Variants in COL4A6 observed in about 807,000 individuals in gnomAD.
COL4A6 encodes the protein collagen alpha-6(IV) chain.
A neutral mutation model predicts 126.7 loss-of-function variants in COL4A6; 59 were observed. The ratio of observed to expected loss-of-function variants is 0.47; its 90% CI spans 0.38 to 0.58. The LOEUF is 0.58. COL4A6 is among the 20% of genes least tolerant of loss of function. The pLI, the probability that COL4A6 is intolerant of heterozygous loss-of-function variation, is 0.00. For missense variants in COL4A6, 1,285 were observed against 1,337.3 expected (o/e 0.96, Z 0.61); for synonymous variants, 547 against 496.6 (o/e 1.10, Z -1.35).
Position 108,319,428 on chromosome X carries a change from C to T in COL4A6, c.64-8600G>A, listed in dbSNP as rs181886917. ...AGGTAGATAAAGGGAAGAGAATACA[C>T]CCTAGAATTAAGCACTGAAGCATGT... On this transcript the variant is annotated intron_variant, in intron 2 of 44. Transcript: ENST00000334504. Among the ~76,000 whole-genome samples the T allele has an allele frequency of 6.3e-5, 7 of 111,653 alleles. No individual in the cohort carries two copies. The South Asian group carries it at 1.1e-3, about 18-fold the overall frequency.
intron 3 of COL4A6, among the ~76,000 whole-genome samples, chrX:108,293,779 T>C (rs2038240538): frequency 8.9e-6 from 1 of 112,000 alleles, no homozygotes; most frequent in Non-Finnish European, 1.9e-5. Context: ...GTGACTGCCA[T>C]GAGGAAAGCA....
chrX:108,392,773 C>T (rs182449319), intron 2 of COL4A6, among the ~76,000 whole-genome samples: 4 of 111,854 alleles, frequency 3.6e-5, no homozygotes, highest in African/African-American at 1.3e-4. Context: ...TTGTTCATTG[C>T]TTCCACCACA....
chrX:108,353,917 C>T (rs2039897741), intron 2 of COL4A6, among the ~76,000 whole-genome samples: 1 of 112,204 alleles, frequency 8.9e-6, no homozygotes, highest in Non-Finnish European at 1.9e-5. Flanking sequence ...CTTTGGGAGG[C>T]TGAGGCAGGT....
intron 2 of COL4A6, among the ~76,000 whole-genome samples, chrX:108,433,533 T>A (rs2064209363): frequency 9.6e-6 from 1 of 103,820 alleles, no homozygotes; most frequent in South Asian, 4.2e-4. Flanking sequence ...TCTTTTTCTC[T>A]TTTTTTTTTT....
At chrX:108,391,822 G>A (rs761269432) in intron 2 of COL4A6, among the ~76,000 whole-genome samples, 4 of 112,274 alleles carry the variant, frequency 3.6e-5, no homozygotes, top group East Asian at 2.8e-4. Context: ...GCTTTGGCTC[G>A]CCCTTCATGG....
At chrX:108,254,487 C>A (rs1207093354) in intron 3 of COL4A6, among the ~76,000 whole-genome samples, 2 of 111,162 alleles carry the variant, frequency 1.8e-5, no homozygotes, top group Non-Finnish European at 3.8e-5. Context: ...TCAGGGAATT[C>A]TTGTAGTTCA....
Position 108,303,613 on chromosome X carries a change from A to T in COL4A6, c.144+7135T>A, listed in dbSNP as rs571963474. Reference sequence around the variant, plus strand: ...CAATGCAAGGACAGGGCAATGCTTCATTTAAAGAGCGAGTTTCTAAAGCTA... The same window carrying T: ...CAATGCAAGGACAGGGCAATGCTTCTTTTAAAGAGCGAGTTTCTAAAGCTA... On this transcript the variant is annotated intron_variant, in intron 3 of 44. Transcript: ENST00000334504. 1.7e-4 allele frequency among the ~76,000 whole-genome samples: 19 copies of T among 112,027 alleles called. No individual in the cohort carries two copies. The South Asian group carries it at 7.1e-3, about 42-fold the overall frequency.
chrX:108,157,258 G>A lies in COL4A6; in HGVS notation c.4815C>T (p.His1605=), dbSNP rs1346364798. 10 of 1,208,884 alleles carry A rather than the reference G, an allele frequency of 8.3e-6. No homozygotes were observed. The highest frequency in any genetic ancestry group is 1.1e-5 in the Non-Finnish European group (10 of 893,768). Residue 1605 remains histidine, a splice_region_variant and synonymous_variant, in exon 45 of 45, where the codon CAC becomes CAT. Coordinates refer to ENST00000334504, the MANE Select transcript of COL4A6 (RefSeq NM_033641.4). Reference sequence around the variant, plus strand: ...CTCCACCCTCGGCACCAGCGGCAGTGTGCTGAAACAGACAGGAGATTAGTG... The same window carrying A: ...CTCCACCCTCGGCACCAGCGGCAGTATGCTGAAACAGACAGGAGATTAGTG... ...SLWIGYSFLM[H]TAAGAEGGGQ...
In COL4A6 at chrX:108,179,444, C is replaced by T. The variant is rs201589060; in HGVS notation, c.2132-6G>A. 1,070 of 1,177,527 alleles carry T rather than the reference C, an allele frequency of 9.1e-4. 2 individuals are homozygous for T. Among genetic ancestry groups the T allele is most frequent in the Non-Finnish European group, 8.5e-4 (741 of 873,164 alleles). ...CCCACGAGGTCCAGGAAATCCTAAA[C>T]GTAAAAAGGCGAACATAAAAGACCA... On this transcript the variant is annotated splice_region_variant and splice_polypyrimidine_tract_variant and intron_variant, in intron 25 of 44. Coordinates refer to ENST00000334504, the MANE Select transcript of COL4A6 (RefSeq NM_033641.4).
chrX:108,160,401 G>A, intron 43 of COL4A6, 62 bp downstream of exon 43: 2 of 1,060,878 alleles, frequency 1.9e-6, no homozygotes, highest in Non-Finnish European at 2.6e-6. Flanking sequence ...AGAAGAGAGG[G>A]GTTGGCTGTT....
chrX:108,250,733 T>C (rs1472947472), intron 3 of COL4A6, among the ~76,000 whole-genome samples: 1 of 111,639 alleles, frequency 9.0e-6, no homozygotes, highest in Admixed American at 9.5e-5. Context: ...AAATGAATTA[T>C]ACACTTGGCC....
In COL4A6 at chrX:108,177,902, G is replaced by A. The variant is rs1173229320; in HGVS notation, c.2515+782C>T. Among the ~76,000 whole-genome samples the A allele has an allele frequency of 2.7e-5, 3 of 111,412 alleles. No individual in the cohort carries two copies. In the Admixed American group the frequency reaches 2.8e-4, roughly 11 times the overall value. The stretch of plus-strand genomic sequence containing the variant: ...CACAGCAGGAGCTCAGGGATCCCTG[G>A]CCTTGTAAGCAAGGCCATGTTATAG... On this transcript the variant is annotated intron_variant, in intron 27 of 44. Transcript: ENST00000334504.
At chrX:108,332,727 C>T (rs2039332553) in intron 2 of COL4A6, among the ~76,000 whole-genome samples, 1 of 109,560 alleles carries the variant, frequency 9.1e-6, no homozygotes, top group South Asian at 3.8e-4. Flanking sequence ...AGTTTAGTTC[C>T]TTGTAGATTC....
intron 25 of COL4A6, among the ~76,000 whole-genome samples, 156 bp from the exon 26 acceptor site, chrX:108,179,594 C>G (rs909914507): frequency 9.0e-6 from 1 of 110,821 alleles, no homozygotes; most frequent in African/African-American, 3.3e-5. Context: ...TCCTGCAAGG[C>G]CTTGTGCAGA....
At chrX:108,184,828 C>T (rs751997200) in intron 23 of COL4A6, among the ~76,000 whole-genome samples, 2 of 112,427 alleles carry the variant, frequency 1.8e-5, no homozygotes, top group South Asian at 7.4e-4. Context: ...AAAAATGGTC[C>T]TGCAAGCTTC....
At chrX:108,231,697 A>T (rs1400130658) in intron 3 of COL4A6, among the ~76,000 whole-genome samples, 1 of 112,112 alleles carries the variant, frequency 8.9e-6, no homozygotes, top group Non-Finnish European at 1.9e-5. Flanking sequence ...CTCTGAACGC[A>T]GAGACACAAA....
At position 108,178,690 on chromosome X, in the gene COL4A6, T is replaced by C. The variant is rs763044757; in HGVS notation, c.2509A>G (p.Ile837Val). Reference sequence around the variant, plus strand: ...CTTCCTCTGAAGGACCTACCTGAGATGCCTGGGAAGCCTGGTGCTCCTGGG... The same window carrying C: ...CTTCCTCTGAAGGACCTACCTGAGACGCCTGGGAAGCCTGGTGCTCCTGGG... Reference protein sequence around the residue: ...GLPGAPGFPGISGHPGKKGTR... With the variant: ...GLPGAPGFPGVSGHPGKKGTR... Residue 837 changes from isoleucine (I) to valine (V), a missense_variant, in exon 27 of 45, where the codon ATC becomes GTC. Coordinates refer to ENST00000334504, the MANE Select transcript of COL4A6 (RefSeq NM_033641.4). The C allele has an allele frequency of 8.3e-7, 1 of 1,209,528 alleles. No homozygotes were observed. The highest frequency in any genetic ancestry group is 3.0e-5 in the East Asian group (1 of 33,727).
chrX:108,195,122 G>C lies in COL4A6; in HGVS notation c.908C>G (p.Pro303Arg). 2.5e-6 allele frequency: 3 copies of C among 1,203,247 alleles called. No individual in the cohort carries two copies. Among genetic ancestry groups the C allele is most frequent in the Non-Finnish European group, 3.4e-6 (3 of 889,754 alleles). Residue 303 changes from proline to arginine, a missense_variant, in exon 15 of 45, where the codon CCC (proline) becomes CGC (arginine). Physicochemically the swap from Pro to Arg is moderately radical, Grantham distance 103. Transcript: ENST00000334504. ...GCCTTGGACTCCTTCTGAACCCATGGGACCCTGTAAAGAAAATAGTTACAC... is the reference window on the plus strand; with the variant it reads ...GCCTTGGACTCCTTCTGAACCCATGCGACCCTGTAAAGAAAATAGTTACAC... ...GIPGLPGPRGPMGSEGVQGPP... is the reference protein window; with the variant it reads ...GIPGLPGPRGRMGSEGVQGPP...
At chrX:108,246,407 G>A (rs1446349390) in intron 3 of COL4A6, among the ~76,000 whole-genome samples, 1 of 112,077 alleles carries the variant, frequency 8.9e-6, no homozygotes, top group African/African-American at 3.2e-5. Flanking sequence ...GAGTCCAATA[G>A]TAAATATTAT....
Sources: allele counts gnomAD v4.1 joint callset (sites outside exome capture counted in the v4.1 genomes callset), GRCh38; gene constraint gnomAD v4.1.1; transcripts MANE v1.5; gene names NCBI Gene and HGNC (gene_info 2026-07-23, HGNC 2026-07-21).